POLR2B: variants seen among roughly 807,000 people sequenced by gnomAD.
The protein encoded by POLR2B is DNA-directed RNA polymerase II subunit RPB2.
A neutral mutation model predicts 144.6 loss-of-function variants in POLR2B; 57 were observed. The observed-to-expected ratio is 0.39, with a 90% confidence interval of 0.32 to 0.49. The LOEUF is 0.49. POLR2B is among the 20% of genes least tolerant of loss of function. POLR2B has a pLI of 0.83. For synonymous variants in POLR2B, 442 were observed against 469.8 expected (o/e 0.94, Z 0.77); for missense variants, 595 against 1,467.4 (o/e 0.41, Z 9.71).
At chr4:56,992,071 C>G (rs1315005) in intron 3 of POLR2B, among the ~76,000 whole-genome samples, 45,894 of 151,588 alleles carry the variant, frequency 0.3, 7,127 homozygotes, top group Admixed American at 0.4. Flanking sequence ...ATCTCTAACA[C>G]CTAGTTATCA....
At chr4:57,030,108 C>T (rs1324200827) in intron 23 of POLR2B, 96 bp from the exon 24 acceptor site, 33 of 977,714 alleles carry the variant, frequency 3.4e-5, no homozygotes, top group Non-Finnish European at 3.5e-5. Flanking sequence ...CCTAGTTATC[C>T]GTCTTTGCAA....
chr4:57,028,784 CACTA>C (rs1326250627), intron 23 of POLR2B, among the ~76,000 whole-genome samples: 1 of 152,208 alleles, frequency 6.6e-6, no homozygotes, highest in African/African-American at 2.4e-5. Flanking sequence ...AAGATTAGGA[CACTA>C]AACCTAACCA....
At chr4:56,994,585 C>A (rs1307022401) in intron 4 of POLR2B, 62 bp from the exon 5 acceptor site, 3 of 1,451,382 alleles carry the variant, frequency 2.1e-6, no homozygotes, top group Non-Finnish European at 2.9e-6. Flanking sequence ...ATTTTAACCA[C>A]TTGAGGATTT....
chr4:57,016,520 CAAAA>C (rs544528388), intron 14 of POLR2B, among the ~76,000 whole-genome samples: 1 of 135,312 alleles, frequency 7.4e-6, no homozygotes, highest in Non-Finnish European at 1.6e-5. Flanking sequence ...GACCCTGTCT[CAAAA>C]AAAAAAAGTT....
intron 17 of POLR2B, among the ~76,000 whole-genome samples, chr4:57,021,858 G>T (rs1355941194): frequency 1.3e-5 from 2 of 152,098 alleles, no homozygotes; most frequent in African/African-American, 4.8e-5. Flanking sequence ...ATCTTTCAGG[G>T]TTATTATGTA....
chr4:57,029,070 TTTTGTTTGTTTG>T (rs538843269), intron 23 of POLR2B, among the ~76,000 whole-genome samples: 8 of 152,218 alleles, frequency 5.3e-5, no homozygotes, highest in Non-Finnish European at 8.8e-5. Context: ...CATTGCTGTT[TTTTGTTTGTTTG>T]TTTGTTTTTT....
In POLR2B at chr4:56,994,870, T is replaced by C. The variant is rs772078945; in HGVS notation, c.576+4T>C. ...CATTATTAATGGATCAGAAAAGGTA[T>C]AGTAACATTATTTTAAAAAATTACA... is the stretch of plus-strand genomic sequence containing the variant. On this transcript the variant is annotated splice_donor_region_variant and intron_variant, in intron 5 of 24. Transcript: ENST00000314595. The C allele has an allele frequency of 2.1e-6, 3 of 1,447,958 alleles. No homozygotes were observed. In the South Asian group the frequency reaches 3.8e-5, roughly 18 times the overall value. The allele number at this position is 1,447,958 out of a possible 1,614,324, so 89.7% of individuals were successfully genotyped here.
At chr4:57,008,401 G>A (rs1398980828) in intron 10 of POLR2B, among the ~76,000 whole-genome samples, 1 of 152,018 alleles carries the variant, frequency 6.6e-6, no homozygotes, top group Non-Finnish European at 1.5e-5. Flanking sequence ...ACGGGGTTTT[G>A]CCGTGTTAGC....
intron 23 of POLR2B, among the ~76,000 whole-genome samples, chr4:57,027,985 A>T (rs1723779201): frequency 6.6e-6 from 1 of 152,196 alleles, no homozygotes; most frequent in Non-Finnish European, 1.5e-5. Flanking sequence ...TGAAGCTCAC[A>T]ATTTTCATCA....
Position 57,024,016 on chromosome 4 carries a change from C to A in POLR2B, c.2868C>A (p.Phe956Leu). Residue 956 changes from phenylalanine to leucine, a missense_variant, in exon 21 of 25, where the codon TTC becomes TTA. Transcript: ENST00000314595. Reference sequence around the variant, plus strand: ...ATTTTTCTTTGTAGGATATGCCTTTCACCTGTGAAGGTATCACCCCTGATA... The same window carrying A: ...ATTTTTCTTTGTAGGATATGCCTTTAACCTGTGAAGGTATCACCCCTGATA... The part of the protein sequence containing the change: ...GIQYRQEDMP[F>L]TCEGITPDII... 6.3e-7 allele frequency: 1 copy of A among 1,580,540 alleles called. No individual in the cohort carries two copies.
At chr4:57,009,528 A>C (rs920234055) in intron 10 of POLR2B, 2 of 152,232 alleles carry the variant, frequency 1.3e-5, no homozygotes, top group African/African-American at 4.8e-5. Flanking sequence ...GCAGGGACTT[A>C]TGAGCTGATG....
intron 10 of POLR2B, 176 bp from the exon 11 acceptor site, chr4:57,010,185 C>G (rs1484787759): frequency 1.7e-6 from 1 of 579,708 alleles, no homozygotes; most frequent in Non-Finnish European, 3.0e-6. Flanking sequence ...TTTGCCATCC[C>G]TGCTGCAAGT....
At chr4:57,013,949 TAA>T (rs11310734) in intron 13 of POLR2B, among the ~76,000 whole-genome samples, 73 of 135,588 alleles carry the variant, frequency 5.4e-4, no homozygotes, top group East Asian at 3.9e-3. Context: ...ATGTTTATAT[TAA>T]AAAAAAAAAA....
chr4:57,004,689 C>T (rs1185766311), intron 7 of POLR2B, among the ~76,000 whole-genome samples: 2 of 152,150 alleles, frequency 1.3e-5, no homozygotes. Flanking sequence ...AAACGCACCA[C>T]TCTTTTTCCT....
At chr4:56,981,083 G>A (rs1423958744) in intron 1 of POLR2B, among the ~76,000 whole-genome samples, 2 of 152,088 alleles carry the variant, frequency 1.3e-5, no homozygotes, top group Non-Finnish European at 2.9e-5. Flanking sequence ...GATTGCAGGT[G>A]TGAACCTCCA....
Position 57,023,972 on chromosome 4 carries a change from T to C in POLR2B, c.2857-33T>C. On this transcript the variant is annotated intron_variant, in intron 20 of 24. Coordinates refer to ENST00000314595, the MANE Select transcript of POLR2B (RefSeq NM_000938.3). This position sits in a 1 kb window ranked among gnomAD's most constrained non-coding sequence, Gnocchi z 4.3. ...TGTCAGTTCTAGTTTAGTATATGTA[T>C]CTTTGAGTCCCTTTTAAAATTTTTC... The C allele has an allele frequency of 8.2e-7, 1 of 1,212,480 alleles. No homozygotes were observed. Among genetic ancestry groups the C allele is most frequent in the Non-Finnish European group, 1.2e-6 (1 of 847,058 alleles). The allele number at this position is 1,212,480 out of a possible 1,614,324, so 75.1% of individuals were successfully genotyped here. A position where few individuals can be genotyped will look rare whatever the true frequency, so the allele number is the denominator to read the frequency against.
At chr4:57,006,126 T>G (rs1030920364) in intron 9 of POLR2B, among the ~76,000 whole-genome samples, 4 of 152,254 alleles carry the variant, frequency 2.6e-5, no homozygotes, top group African/African-American at 9.6e-5. Flanking sequence ...TTATTCTTGA[T>G]GTTTGTATAT....
Position 57,015,245 on chromosome 4 carries a change from C to T in POLR2B, c.1801-257C>T, listed in dbSNP as rs550544869. ...TGTGGTATTGAAAAAATATTTCCTA[C>T]GTTAACTTGCATGACATTATTACCA... On this transcript the variant is annotated intron_variant, in intron 13 of 24. Transcript: ENST00000314595. Among the ~76,000 whole-genome samples the T allele has an allele frequency of 3.0e-4, 45 of 152,300 alleles. 1 individual carries two copies. Among genetic ancestry groups the T allele is most frequent in the Middle Eastern group, 3.4e-3 (1 of 294 alleles).
At chr4:56,979,221 T>C (rs1054739875) in intron 1 of POLR2B, among the ~76,000 whole-genome samples, 12 of 152,198 alleles carry the variant, frequency 7.9e-5, no homozygotes, top group African/African-American at 2.9e-4. Context: ...TCACTGCTGC[T>C]CTCTGCACTT....
Sources: allele counts gnomAD v4.1 joint callset (sites outside exome capture counted in the v4.1 genomes callset), GRCh38; gene constraint gnomAD v4.1.1; non-coding constraint Gnocchi (gnomAD v3.1); transcripts MANE v1.5; gene names NCBI Gene and HGNC (gene_info 2026-07-23, HGNC 2026-07-21).